Variants in ZNF541 observed in about 807,000 individuals in gnomAD.
ZNF541 encodes the protein zinc finger protein 541.
Under a neutral mutation model 123.5 loss-of-function variants are expected in ZNF541, and 23 were observed. That is an observed-to-expected ratio of 0.19 (90% CI 0.13 to 0.26). The LOEUF is 0.26. ZNF541 is among the 10% of genes least tolerant of loss of function. The probability of loss-of-function intolerance (pLI) is 1.00; values close to 1 mark genes in which losing one functional copy is unlikely to be tolerated. For synonymous variants in ZNF541, 751 were observed against 754.5 expected (o/e 1.00, Z 0.08); for missense variants, 1,612 against 1,789.9 (o/e 0.90, Z 1.79).
intron 4 of ZNF541, among the ~76,000 whole-genome samples, chr19:47,546,359 T>A (rs1320645444): frequency 1.3e-5 from 2 of 151,616 alleles, no homozygotes; most frequent in African/African-American, 4.8e-5. Flanking sequence ...ATACAAAAAA[T>A]TTAGCTGGGT....
At chr19:47,573,226 C>T (rs1971538374), upstream of ZNF541, among the ~76,000 whole-genome samples, 1 of 151,084 alleles carries the variant, frequency 6.6e-6, no homozygotes, top group Non-Finnish European at 1.5e-5. Context: ...GGCGCAGGCG[C>T]GCGTACGTGA....
Position 47,539,761 on chromosome 19 carries a change from C to T in ZNF541, c.2740G>A (p.Val914Ile). ...GGAACCACGGGGATCGATTGGGGGA[C>T]CACCAAAGGGGCTGCAGCTGTGGGG... ...LDPTAAAPLVVPQSIPVVPVT... is the reference protein window; with the variant it reads ...LDPTAAAPLVIPQSIPVVPVT... The change falls in exon 8 of 17, where the codon GTC becomes ATC. Residue 914 changes from valine to isoleucine, a missense_variant. By Grantham distance (29) the Val-to-Ile change is conservative. Transcript: ENST00000391901. 2 of 1,467,116 alleles carry T rather than the reference C, an allele frequency of 1.4e-6. No homozygotes were observed. The highest frequency in any genetic ancestry group is 1.5e-5 in the African/African-American group (1 of 66,984). The allele number at this position is 1,467,116 out of a possible 1,614,324, so 90.9% of individuals were successfully genotyped here.
At chr19:47,559,789 G>A (rs750817681) in intron 2 of ZNF541, among the ~76,000 whole-genome samples, 3 of 149,744 alleles carry the variant, frequency 2.0e-5, no homozygotes, top group Non-Finnish European at 3.0e-5. Context: ...AGCGGAGGTT[G>A]TAGTGAGCCG....
In ZNF541 at chr19:47,538,302, C is replaced by T; in HGVS notation, c.2934G>A (p.Met978Ile). ...CCTTCAGGAGGCAGTCCACCAGGAA[C>T]ATGGGTGACCGCAGGCGGCTCTGGT... is the stretch of plus-strand genomic sequence containing the variant. ...GCHQSRLRSP[M>I]FLVDCLLKGL... Residue 978 changes from methionine to isoleucine, a missense_variant, in exon 9 of 17, where the codon ATG (methionine) becomes ATA (isoleucine). By Grantham distance (10) the Met-to-Ile change is conservative. Coordinates refer to ENST00000391901, the MANE Select transcript of ZNF541 (RefSeq NM_001277075.3). 1 of 1,548,506 alleles carries T rather than the reference C, an allele frequency of 6.5e-7. No individual in the cohort carries two copies. The highest frequency in any genetic ancestry group is 8.7e-7 in the Non-Finnish European group (1 of 1,144,950).
chr19:47,569,250 GTAATAA>G (rs949382308), intron 2 of ZNF541, among the ~76,000 whole-genome samples: 4 of 151,372 alleles, frequency 2.6e-5, no homozygotes, highest in Admixed American at 6.6e-5. Flanking sequence ...ATTCATCATT[GTAATAA>G]TAATAATAAT....
At chr19:47,552,267 TC>T (rs1184134608) in intron 3 of ZNF541, among the ~76,000 whole-genome samples, 1 of 152,054 alleles carries the variant, frequency 6.6e-6, no homozygotes, top group African/African-American at 2.4e-5. Flanking sequence ...CTCTAAAGGA[TC>T]CAATCGTGCA....
At chr19:47,547,597 A>G (rs1330761328) in intron 4 of ZNF541, among the ~76,000 whole-genome samples, 1 of 152,132 alleles carries the variant, frequency 6.6e-6, no homozygotes, top group Non-Finnish European at 1.5e-5. Context: ...TTGTGACATG[A>G]GCAAATTGGC....
chr19:47,558,010 G>A lies in ZNF541; in HGVS notation c.-98-2056C>T, dbSNP rs551747892. Among the ~76,000 whole-genome samples, 36 of 152,030 alleles carry A rather than the reference G, an allele frequency of 2.4e-4. 1 individual carries two copies. The East Asian group carries it at 6.8e-3, about 29-fold the overall frequency. On this transcript the variant is annotated intron_variant, in intron 2 of 16. Transcript: ENST00000391901. ...TGGGCAGGGGGAGTGGGGCAGCAGAGTTTACTTTAAAATACTGTAGGGAAA... is the reference window on the plus strand; with the variant it reads ...TGGGCAGGGGGAGTGGGGCAGCAGAATTTACTTTAAAATACTGTAGGGAAA...
chr19:47,562,748 G>A (rs928313361), intron 2 of ZNF541, among the ~76,000 whole-genome samples: 1 of 152,056 alleles, frequency 6.6e-6, no homozygotes, highest in African/African-American at 2.4e-5. Flanking sequence ...TTCTGTGTCT[G>A]GCTTCTTTCA....
In ZNF541 at chr19:47,557,175, T is replaced by G. The variant is rs372358341; in HGVS notation, c.-98-1221A>C. Among the ~76,000 whole-genome samples the G allele has an allele frequency of 7.2e-5, 11 of 152,316 alleles. No homozygotes were observed. The South Asian group carries it at 8.3e-4, about 11-fold the overall frequency. ...AATTTAGATTATATATGGCTCGTAT[T>G]CTGTATTATCAAATGCTGCCCTGCC... On this transcript the variant is annotated intron_variant, in intron 2 of 16. Coordinates refer to ENST00000391901, the MANE Select transcript of ZNF541 (RefSeq NM_001277075.3).
chr19:47,563,103 T>A (rs143287230), intron 2 of ZNF541, among the ~76,000 whole-genome samples: 58 of 152,344 alleles, frequency 3.8e-4, no homozygotes, highest in Non-Finnish European at 5.4e-4. Flanking sequence ...CTGCATTGCA[T>A]GTTATATGTC....
chr19:47,533,079 C>G, intron 9 of ZNF541, 107 bp from the exon 10 acceptor site: 1 of 1,079,338 alleles, frequency 9.3e-7, no homozygotes, highest in Non-Finnish European at 1.3e-6. Context: ...TTTAAGATCC[C>G]ATGGGTTGGC....
At position 47,521,438 on chromosome 19, in the gene ZNF541, G is replaced by C. The variant is rs764333721; in HGVS notation, c.3887+41C>G. ...GGAGGAAGGGATCACAGGGGCTGAG[G>C]CTGGGAGCCCTGGGAGTGTTTCCAG... On this transcript the variant is annotated intron_variant, in intron 16 of 16. Coordinates refer to ENST00000391901, the MANE Select transcript of ZNF541 (RefSeq NM_001277075.3). This position sits in a 1 kb window ranked among gnomAD's most constrained non-coding sequence, Gnocchi z 4.2. 18 of 1,550,640 alleles carry C rather than the reference G, an allele frequency of 1.2e-5. No individual in the cohort carries two copies. The South Asian group carries it at 2.1e-4, about 18-fold the overall frequency.
rs1166312091 is a variant in ZNF541 at position 47,544,612 on chromosome 19, G to A, written c.1917C>T (p.Ser639=). The A allele has an allele frequency of 1.3e-6, 2 of 1,550,960 alleles. No homozygotes were observed. The highest frequency in any genetic ancestry group is 1.2e-5 in the South Asian group (1 of 84,062). The part of the protein sequence containing the change: ...KTTPGVPREA[S]PGSTRRDAKG... ...TTGCGTCTCGTCTCGTGCTGCCGGG[G>A]GAGGCCTCTCTGGGAACCCCGGGTG... The change falls in exon 5 of 17, where the codon TCC becomes TCT. Residue 639 remains serine, a synonymous_variant. Coordinates refer to ENST00000391901, the MANE Select transcript of ZNF541 (RefSeq NM_001277075.3).
chr19:47,556,609 C>T (rs1471530068), intron 2 of ZNF541, among the ~76,000 whole-genome samples: 3 of 151,912 alleles, frequency 2.0e-5, no homozygotes, highest in South Asian at 4.1e-4. Context: ...CGCACATGGC[C>T]CTGTGAAGCA....
Position 47,531,639 on chromosome 19 carries a change from C to A in ZNF541, c.3405+3G>T. On this transcript the variant is annotated splice_donor_region_variant and intron_variant, in intron 12 of 16. Transcript: ENST00000391901. ...CAGGGAGGGTCCCCTTGCTGTTCCTCACCTGAACGTTGCCCTGAGCCTCGT... is the reference window on the plus strand; with the variant it reads ...CAGGGAGGGTCCCCTTGCTGTTCCTAACCTGAACGTTGCCCTGAGCCTCGT... 6.5e-7 allele frequency: 1 copy of A among 1,538,468 alleles called. No homozygotes were observed. Among genetic ancestry groups the A allele is most frequent in the Non-Finnish European group, 8.8e-7 (1 of 1,137,364 alleles).
At chr19:47,552,093 A>T (rs958700485) in intron 3 of ZNF541, among the ~76,000 whole-genome samples, 4 of 151,996 alleles carry the variant, frequency 2.6e-5, no homozygotes, top group African/African-American at 9.7e-5. Context: ...TCTGGCCTCA[A>T]GCGATCCTCC....
At chr19:47,565,274 C>T (rs1034781923) in intron 2 of ZNF541, among the ~76,000 whole-genome samples, 6 of 151,772 alleles carry the variant, frequency 4.0e-5, no homozygotes, top group East Asian at 1.9e-4. Context: ...CTCATATAAC[C>T]GAGTACCACC....
rs748545726 is a variant in ZNF541, at chr19:47,538,357, G to A, written c.2879C>T (p.Thr960Met). Residue 960 changes from threonine (T) to methionine (M), a missense_variant, in exon 9 of 17, where the codon ACG becomes ATG. By Grantham distance (81) the Thr-to-Met change is moderately conservative (BLOSUM62 -1). This residue lies in a region of ZNF541 where 1,080 missense variants were observed against 1,013.8 expected (regional missense o/e 1.07). Coordinates refer to ENST00000391901, the MANE Select transcript of ZNF541 (RefSeq NM_001277075.3). ...TCCTGCAGGGCCAGGCTCCCCAGCC[G>A]TGGAGGGTGGGGGCCGCTTCTTCCG... is the stretch of plus-strand genomic sequence containing the variant. ...RKRKKRPPPSTAGEPGPAGCH... is the reference protein window; with the variant it reads ...RKRKKRPPPSMAGEPGPAGCH... The A allele has an allele frequency of 7.8e-6, 12 of 1,544,278 alleles. No individual in the cohort carries two copies. Among genetic ancestry groups the A allele is most frequent in the South Asian group, 6.0e-5 (5 of 83,016 alleles).
Sources: allele counts gnomAD v4.1 joint callset (sites outside exome capture counted in the v4.1 genomes callset), GRCh38; gene constraint gnomAD v4.1.1; regional missense constraint gnomAD v4.1.1; non-coding constraint Gnocchi (gnomAD v3.1); transcripts MANE v1.5; gene names NCBI Gene and HGNC (gene_info 2026-07-23, HGNC 2026-07-21).